Variants in CLEC16A observed in about 807,000 individuals in gnomAD.
CLEC16A encodes protein CLEC16A.
CLEC16A carries 51 observed loss-of-function variants against 109.5 expected under a neutral mutation model. The ratio of observed to expected loss-of-function variants is 0.47; its 90% CI spans 0.37 to 0.59. CLEC16A has a LOEUF of 0.59. Among genes scored for constraint, CLEC16A ranks in the 20% least tolerant of loss-of-function variants. The pLI, the probability that CLEC16A is intolerant of heterozygous loss-of-function variation, is 0.00. For missense variants in CLEC16A, 1,339 were observed against 1,394.0 expected, an observed-to-expected ratio of 0.96 and a Z score of 0.63; for synonymous variants, 673 against 564.2, an observed-to-expected ratio of 1.19 and a Z score of -2.73.
intron 22 of CLEC16A, chr16:11,136,261 A>G (rs753554085): frequency 5.3e-5 from 8 of 152,212 alleles, no homozygotes; most frequent in Non-Finnish European, 1.0e-4. Flanking sequence ...ATGTGAGTGG[A>G]CTTAAGAACT....
intron 23 of CLEC16A, among the ~76,000 whole-genome samples, chr16:11,167,926 T>C (rs2068340509): frequency 6.6e-6 from 1 of 152,214 alleles, no homozygotes; most frequent in South Asian, 2.1e-4. Flanking sequence ...GTTTCATGCT[T>C]GCTCAGGGGC....
At chr16:10,947,513 G>A (rs929908910) in intron 1 of CLEC16A, among the ~76,000 whole-genome samples, 6 of 152,208 alleles carry the variant, frequency 3.9e-5, no homozygotes, top group Non-Finnish European at 5.9e-5. Flanking sequence ...CACCATTGGC[G>A]GGCAGCAGGG....
At chr16:11,146,758 A>AT (rs1207464471) in intron 22 of CLEC16A, among the ~76,000 whole-genome samples, 1 of 120,756 alleles carries the variant, frequency 8.3e-6, no homozygotes, top group Non-Finnish European at 1.7e-5. Flanking sequence ...GGATGGCCGG[A>AT]TGGGAGGGAG....
chr16:11,167,186 A>G (rs960636480), intron 23 of CLEC16A, among the ~76,000 whole-genome samples: 1 of 152,104 alleles, frequency 6.6e-6, no homozygotes, highest in Admixed American at 6.5e-5. Context: ...GCTGTGTGAG[A>G]TGTGGGGAAG....
At chr16:11,048,973 C>G (rs2047782389) in intron 17 of CLEC16A, among the ~76,000 whole-genome samples, 1 of 151,914 alleles carries the variant, frequency 6.6e-6, no homozygotes, top group Non-Finnish European at 1.5e-5. Flanking sequence ...GACAATGCAA[C>G]CTTGAGTGCA....
chr16:11,152,856 G>T (rs1427340986), intron 22 of CLEC16A, among the ~76,000 whole-genome samples: 1 of 152,156 alleles, frequency 6.6e-6, no homozygotes, highest in Non-Finnish European at 1.5e-5. Flanking sequence ...AATATTTGGG[G>T]CACTAATCAT....
chr16:11,030,167 A>G (rs1016689886), intron 13 of CLEC16A, among the ~76,000 whole-genome samples: 4 of 152,216 alleles, frequency 2.6e-5, no homozygotes, highest in African/African-American at 9.6e-5. Flanking sequence ...GACTATTACA[A>G]ACAAAGCTGC....
At chr16:11,046,768 C>G (rs1447983545) in intron 16 of CLEC16A, among the ~76,000 whole-genome samples, 1 of 152,174 alleles carries the variant, frequency 6.6e-6, no homozygotes, top group Non-Finnish European at 1.5e-5. Flanking sequence ...AAGGGGCCCT[C>G]CCAGGCAGTC....
chr16:11,144,624 C>G (rs1012648080), intron 22 of CLEC16A, among the ~76,000 whole-genome samples: 5 of 152,230 alleles, frequency 3.3e-5, no homozygotes, highest in African/African-American at 2.4e-5. Context: ...CAGGCCAGCC[C>G]TGTGGTCCTC....
At chr16:11,027,358 TA>T in intron 13 of CLEC16A, 1 of 1,413,326 alleles carries the variant, frequency 7.1e-7, no homozygotes. Flanking sequence ...AGACTTTGCC[TA>T]AAGAAAATTT....
At chr16:10,962,376 G>A (rs952273460) in intron 2 of CLEC16A, 79 bp from the exon 3 acceptor site, 1 of 1,568,362 alleles carries the variant, frequency 6.4e-7, no homozygotes, top group Admixed American at 1.7e-5. Flanking sequence ...TAATACTTGT[G>A]TTGTGAATGA....
intron 22 of CLEC16A, among the ~76,000 whole-genome samples, chr16:11,145,904 C>G (rs551716598): frequency 5.9e-5 from 9 of 152,334 alleles, no homozygotes; most frequent in Admixed American, 5.9e-4. Flanking sequence ...TCACGGTAGC[C>G]CCACGTTTTA....
At chr16:11,076,035 C>G (rs2049353514) in intron 19 of CLEC16A, among the ~76,000 whole-genome samples, 1 of 152,170 alleles carries the variant, frequency 6.6e-6, no homozygotes, top group Non-Finnish European at 1.5e-5. Flanking sequence ...ATAGAGAACC[C>G]AGCTCCGTCT....
intron 19 of CLEC16A, among the ~76,000 whole-genome samples, chr16:11,082,958 C>A (rs1319856820): frequency 1.3e-5 from 2 of 152,140 alleles, no homozygotes; most frequent in Non-Finnish European, 2.9e-5. Context: ...CTCTTCCTCC[C>A]ATAGATCTGT....
chr16:11,075,418 G>C (rs1190798282), intron 19 of CLEC16A, among the ~76,000 whole-genome samples: 9 of 146,602 alleles, frequency 6.1e-5, no homozygotes, highest in African/African-American at 2.3e-4. Context: ...GTGTCTGTGT[G>C]TGTGTGTGTA....
intron 19 of CLEC16A, among the ~76,000 whole-genome samples, chr16:11,111,654 GT>G (rs2051594837): frequency 6.6e-6 from 1 of 152,196 alleles, no homozygotes; most frequent in Admixed American, 6.5e-5. Flanking sequence ...AGTCTGTGCT[GT>G]TACACCAAGG....
At chr16:11,073,651 C>T (rs2049190934) in intron 19 of CLEC16A, among the ~76,000 whole-genome samples, 1 of 152,226 alleles carries the variant, frequency 6.6e-6, no homozygotes, top group Admixed American at 6.5e-5. Context: ...TGCTCACAGG[C>T]TCCTGGACAC....
At chr16:11,085,535 TAGG>T (rs887961093) in intron 19 of CLEC16A, among the ~76,000 whole-genome samples, 5 of 152,224 alleles carry the variant, frequency 3.3e-5, no homozygotes, top group African/African-American at 1.2e-4. Context: ...CAACATAACA[TAGG>T]AGGATTTGGT....
At chr16:10,986,875 A>G (rs1252236172) in intron 10 of CLEC16A, among the ~76,000 whole-genome samples, 1 of 150,018 alleles carries the variant, frequency 6.7e-6, no homozygotes, top group Non-Finnish European at 1.5e-5. Context: ...TTTGTTTTTG[A>G]CAGAGTCTGG....
Sources: allele counts gnomAD v4.1 joint callset (sites outside exome capture counted in the v4.1 genomes callset), GRCh38; gene constraint gnomAD v4.1.1; transcripts MANE v1.5; gene names NCBI Gene and HGNC (gene_info 2026-07-23, HGNC 2026-07-21).